Variants in RGS22 observed in about 807,000 individuals in gnomAD.
The protein encoded by RGS22 is regulator of G protein signaling 22, also known as regulator of G-protein signaling 22.
Under a neutral mutation model 172.9 loss-of-function variants are expected in RGS22, and 148 were observed. That is an observed-to-expected ratio of 0.86 (90% CI 0.75 to 0.98). RGS22 has a LOEUF of 0.98. Among genes scored for constraint, RGS22 ranks in the 50% least tolerant of loss-of-function variants. The pLI is 0.00. For missense variants in RGS22, 1,347 were observed against 1,440.8 expected, an observed-to-expected ratio of 0.93 and a Z score of 1.05; for synonymous variants, 458 against 480.2, an observed-to-expected ratio of 0.95 and a Z score of 0.60.
chr8:99,996,284 A>G (rs1814373749), intron 20 of RGS22, among the ~76,000 whole-genome samples, 178 bp downstream of exon 20: 1 of 152,172 alleles, frequency 6.6e-6, no homozygotes, highest in Admixed American at 6.6e-5. Flanking sequence ...CAGAGTTCTG[A>G]TAGAGTCACA....
At chr8:100,052,997 T>C (rs149538828) in intron 9 of RGS22, 21 bp from the exon 10 acceptor site, 41 of 1,606,966 alleles carry the variant, frequency 2.6e-5, no homozygotes, top group Non-Finnish European at 3.5e-5. Flanking sequence ...GAAAAATAAA[T>C]GTAAGATTGA....
chr8:99,984,262 G>A (rs1812840484), intron 21 of RGS22, among the ~76,000 whole-genome samples: 1 of 152,012 alleles, frequency 6.6e-6, no homozygotes, highest in Non-Finnish European at 1.5e-5. Context: ...ACTCCAGCCT[G>A]GGCAACAGAG....
intron 2 of RGS22, among the ~76,000 whole-genome samples, chr8:100,096,835 C>G (rs954829237): frequency 7.9e-5 from 12 of 150,966 alleles, no homozygotes; most frequent in Non-Finnish European, 8.9e-5. Flanking sequence ...CTAAAAGATG[C>G]AAGATATACA....
At chr8:100,083,342 G>A (rs982390862) in intron 3 of RGS22, among the ~76,000 whole-genome samples, 10 of 152,168 alleles carry the variant, frequency 6.6e-5, no homozygotes, top group African/African-American at 2.4e-4. Flanking sequence ...AGAGGCCAGG[G>A]CAGTATTTAA....
At chr8:100,068,084 A>T (rs942306736) in intron 6 of RGS22, among the ~76,000 whole-genome samples, 2 of 152,190 alleles carry the variant, frequency 1.3e-5, no homozygotes, top group Admixed American at 1.3e-4. Context: ...AGCTATTGAA[A>T]AATGGTAATA....
chr8:100,081,362 G>GTATATATATA lies in RGS22; in HGVS notation c.118-1017_118-1008dup, dbSNP rs71274952. Reference sequence around the variant, plus strand: ...TATGTGTATATATGTGTGCGTGTATGTATATATATATATATATATATTTAA... The same window carrying GTATATATATA: ...TATGTGTATATATGTGTGCGTGTATGTATATATATATATATATATATATATATATATTTAA... On this transcript the variant is annotated intron_variant, in intron 3 of 27. Coordinates refer to ENST00000360863, the MANE Select transcript of RGS22 (RefSeq NM_015668.5). Among the ~76,000 whole-genome samples the GTATATATATA allele has an allele frequency of 5.1e-3, 737 of 143,478 alleles. 5 individuals are homozygous for GTATATATATA. Among genetic ancestry groups the GTATATATATA allele is most frequent in the Admixed American group, 9.7e-3 (137 of 14,154 alleles). The allele number at this position is 143,478 out of a possible 152,430, so 94.1% of individuals were successfully genotyped here. A position where few individuals can be genotyped will look rare whatever the true frequency, so the allele number is the denominator to read the frequency against.
intron 6 of RGS22, among the ~76,000 whole-genome samples, chr8:100,069,641 A>G (rs1382610004): frequency 6.6e-6 from 1 of 152,216 alleles, no homozygotes; most frequent in East Asian, 1.9e-4. Context: ...TTTTTGTACA[A>G]AAGAAATGAA....
intron 4 of RGS22, among the ~76,000 whole-genome samples, chr8:100,077,265 T>C (rs1395117310): frequency 6.6e-6 from 1 of 152,110 alleles, no homozygotes; most frequent in Non-Finnish European, 1.5e-5. Flanking sequence ...ATTGATTCTG[T>C]TCTTTATTTC....
At chr8:100,031,908 A>C (rs2068820718) in intron 14 of RGS22, among the ~76,000 whole-genome samples, 1 of 152,184 alleles carries the variant, frequency 6.6e-6, no homozygotes, top group African/African-American at 2.4e-5. Flanking sequence ...TTTCATATCC[A>C]GCCAAACTAA....
In RGS22 at chr8:99,998,532, G is replaced by T. The variant is rs539379958; in HGVS notation, c.2949+730C>A. 4.6e-5 allele frequency among the ~76,000 whole-genome samples: 7 copies of T among 152,286 alleles called. No homozygotes were observed. In the East Asian group the frequency reaches 1.4e-3, roughly 29 times the overall value. On this transcript the variant is annotated intron_variant, in intron 19 of 27. Coordinates refer to ENST00000360863, the MANE Select transcript of RGS22 (RefSeq NM_015668.5). ...GCTGTAGTGCACTATGATTGTGCTT[G>T]TGAATAGCCACTGCACTCCAGTTTG...
At chr8:100,054,965 T>C (rs1002412721) in intron 9 of RGS22, among the ~76,000 whole-genome samples, 1 of 152,180 alleles carries the variant, frequency 6.6e-6, no homozygotes, top group African/African-American at 2.4e-5. Flanking sequence ...AGTTATGCTT[T>C]GAGTGTCAGC....
At chr8:99,972,785 G>A (rs929667375) in intron 23 of RGS22, among the ~76,000 whole-genome samples, 5 of 152,116 alleles carry the variant, frequency 3.3e-5, no homozygotes, top group African/African-American at 1.2e-4. Flanking sequence ...TGTAATCCCA[G>A]CACTTTGGGA....
At chr8:100,086,988 C>T (rs1214448503) in intron 3 of RGS22, among the ~76,000 whole-genome samples, 1 of 152,042 alleles carries the variant, frequency 6.6e-6, no homozygotes, top group Non-Finnish European at 1.5e-5. Flanking sequence ...TGGTGCCAGC[C>T]GTCTGTGTTT....
At chr8:99,965,513 C>T in intron 23 of RGS22, 83 bp from the exon 24 acceptor site, 5 of 983,630 alleles carry the variant, frequency 5.1e-6, no homozygotes, top group Non-Finnish European at 7.7e-6. Context: ...GTTATAACAT[C>T]ATATGACATA....
At chr8:100,007,135 A>G (rs1815813960) in intron 15 of RGS22, among the ~76,000 whole-genome samples, 1 of 152,168 alleles carries the variant, frequency 6.6e-6, no homozygotes, top group African/African-American at 2.4e-5. Flanking sequence ...AAATCATAAT[A>G]GTTGTTTCAG....
chr8:100,097,103 C>T (rs1056838415), intron 2 of RGS22, among the ~76,000 whole-genome samples: 4 of 152,028 alleles, frequency 2.6e-5, no homozygotes, highest in Admixed American at 6.6e-5. Context: ...TAGATAAACA[C>T]GAGCAAAGAA....
chr8:100,073,497 T>C (rs1416909526), intron 4 of RGS22, among the ~76,000 whole-genome samples: 1 of 151,506 alleles, frequency 6.6e-6, no homozygotes, highest in East Asian at 1.9e-4. Flanking sequence ...AATGAAAGAA[T>C]AGAAGAAAAC....
At chr8:100,081,909 C>CTTTTT (rs201340859) in intron 3 of RGS22, among the ~76,000 whole-genome samples, 3 of 125,382 alleles carry the variant, frequency 2.4e-5, no homozygotes, top group Admixed American at 8.1e-5. Context: ...TATTGTTTTC[C>CTTTTT]TTTTTTTTTT....
chr8:100,012,596 A>G (rs1192040782), intron 14 of RGS22, among the ~76,000 whole-genome samples: 1 of 152,090 alleles, frequency 6.6e-6, no homozygotes, highest in Non-Finnish European at 1.5e-5. Context: ...AGGGAGAGAC[A>G]GTGAGAGAGA....
Sources: allele counts gnomAD v4.1 joint callset (sites outside exome capture counted in the v4.1 genomes callset), GRCh38; gene constraint gnomAD v4.1.1; transcripts MANE v1.5; gene names NCBI Gene and HGNC (gene_info 2026-07-23, HGNC 2026-07-21).